The following TFG variants were observed in gnomAD, a reference collection of about 807,000 sequenced individuals.
The protein encoded by TFG is protein TFG.
A neutral mutation model predicts 51.4 loss-of-function variants in TFG; 22 were observed. The ratio of observed to expected loss-of-function variants is 0.43; its 90% CI spans 0.31 to 0.61. The LOEUF is 0.61. Among genes scored for constraint, TFG ranks in the 20% least tolerant of loss-of-function variants. The probability of loss-of-function intolerance (pLI) is 0.12; values close to 1 mark genes in which losing one functional copy is unlikely to be tolerated. For missense variants in TFG, 419 were observed against 487.7 expected (o/e 0.86, Z 1.33); for synonymous variants, 187 against 165.6 (o/e 1.13, Z -0.99).
At chr3:100,722,583 A>G (rs1443502559) in intron 3 of TFG, among the ~76,000 whole-genome samples, 1 of 152,244 alleles carries the variant, frequency 6.6e-6, no homozygotes, top group Non-Finnish European at 1.5e-5. Flanking sequence ...ACATATTGTC[A>G]TGAAACTGGA....
intron 1 of TFG, among the ~76,000 whole-genome samples, chr3:100,711,575 T>C (rs914967206): frequency 1.3e-5 from 2 of 152,060 alleles, no homozygotes; most frequent in Non-Finnish European, 2.9e-5. Context: ...TAAAAACTGA[T>C]CTATATTACA....
At chr3:100,710,245 T>A (rs1309206073) in intron 1 of TFG, 1 of 152,174 alleles carries the variant, frequency 6.6e-6, no homozygotes, top group African/African-American at 2.4e-5. Flanking sequence ...CAGCCTGGTT[T>A]ATAGTGATGA....
intron 6 of TFG, chr3:100,744,610 G>GT (rs1482201224): frequency 2.7e-6 from 1 of 368,172 alleles, no homozygotes. Context: ...TGCACTTAAT[G>GT]TTTATTGCCA....
intron 6 of TFG, among the ~76,000 whole-genome samples, chr3:100,737,613 G>C (rs914331575): frequency 6.6e-6 from 1 of 152,128 alleles, no homozygotes; most frequent in African/African-American, 2.4e-5. Flanking sequence ...TTTGTTTAAC[G>C]GGTCAGATAG....
At chr3:100,711,031 T>C (rs972588941) in intron 1 of TFG, 1 of 152,074 alleles carries the variant, frequency 6.6e-6, no homozygotes, top group East Asian at 1.9e-4. Context: ...CCACAAGATG[T>C]TTACAGTCAA....
chr3:100,738,840 A>G (rs931377433), intron 6 of TFG, among the ~76,000 whole-genome samples: 1 of 152,178 alleles, frequency 6.6e-6, no homozygotes, highest in African/African-American at 2.4e-5. Flanking sequence ...GCATTAGAAA[A>G]ATGTTTAAGA....
intron 7 of TFG, 115 bp from the exon 8 acceptor site, chr3:100,748,030 TTACA>T (rs2095150960): frequency 1.1e-6 from 1 of 888,746 alleles, no homozygotes; most frequent in African/African-American, 1.7e-5. Context: ...ACTCTGCTTG[TTACA>T]TACATATTTA....
chr3:100,717,579 GTT>G lies in TFG; in HGVS notation c.185-2382_185-2381del, dbSNP rs55750598. On this transcript the variant is annotated intron_variant, in intron 2 of 7. Coordinates refer to ENST00000240851, the MANE Select transcript of TFG (RefSeq NM_006070.6). ...ATGCTCTTTGGTTTCTTTCATCAGT[GTT>G]TTTTTTTTTTTTTGTAGAGGTTTTT... Among the ~76,000 whole-genome samples the G allele has an allele frequency of 8.9e-3, 1,035 of 116,542 alleles. 10 individuals are homozygous for G. Among genetic ancestry groups the G allele is most frequent in the African/African-American group, 0.025 (846 of 33,216 alleles). The allele number at this position is 116,542 out of a possible 152,430, so 76.5% of individuals were successfully genotyped here. A position where few individuals can be genotyped will look rare whatever the true frequency, so the allele number is the denominator to read the frequency against.
intron 4 of TFG, among the ~76,000 whole-genome samples, chr3:100,730,569 A>G (rs1440329632): frequency 6.6e-6 from 1 of 152,236 alleles, no homozygotes; most frequent in East Asian, 1.9e-4. Flanking sequence ...AAAAACAACA[A>G]GAAAACCATA....
At position 100,735,444 on chromosome 3, in the gene TFG, G is replaced by C. The variant is rs866291161; in HGVS notation, c.581-1132G>C. Among the ~76,000 whole-genome samples the C allele has an allele frequency of 2.6e-5, 4 of 152,166 alleles. No individual in the cohort carries two copies. In the South Asian group the frequency reaches 8.3e-4, roughly 32 times the overall value. On this transcript the variant is annotated intron_variant, in intron 5 of 7. Transcript: ENST00000240851. ...TTATAAGCCCATGCTATAAGCTCTTGTAAACTCATAATCCTCACAATAACC... is the reference window on the plus strand; with the variant it reads ...TTATAAGCCCATGCTATAAGCTCTTCTAAACTCATAATCCTCACAATAACC...
At chr3:100,712,333 C>G (rs1419576998) in intron 1 of TFG, among the ~76,000 whole-genome samples, 1 of 151,876 alleles carries the variant, frequency 6.6e-6, no homozygotes, top group Non-Finnish European at 1.5e-5. Context: ...TCACATACCC[C>G]GAAAGAATAA....
At position 100,736,835 on chromosome 3, in the gene TFG, T is replaced by G; in HGVS notation, c.721+119T>G. On this transcript the variant is annotated intron_variant, in intron 6 of 7. Transcript: ENST00000240851. ...CCTTAAACACAGGAAAAATTTTGAT[T>G]TACTGACATGATTTGATGTTAAAAA... The G allele has an allele frequency of 1.8e-6, 2 of 1,105,914 alleles. 1 individual carries two copies. The highest frequency in any genetic ancestry group is 3.8e-5 in the South Asian group (2 of 52,264). 68.5% of individuals were successfully genotyped at this position (1,105,914 alleles called of 1,614,324 possible). A position where few individuals can be genotyped will look rare whatever the true frequency, so the allele number is the denominator to read the frequency against.
At chr3:100,737,513 A>G (rs1432872184) in intron 6 of TFG, among the ~76,000 whole-genome samples, 1 of 152,220 alleles carries the variant, frequency 6.6e-6, no homozygotes, top group Non-Finnish European at 1.5e-5. Flanking sequence ...CTTCCAGATA[A>G]TGAAGTGTGA....
chr3:100,730,339 A>G (rs2095088085), intron 4 of TFG, among the ~76,000 whole-genome samples: 1 of 152,102 alleles, frequency 6.6e-6, no homozygotes, highest in Non-Finnish European at 1.5e-5. Flanking sequence ...CTTTGTGTCT[A>G]TATTTTTTAT....
At chr3:100,719,243 T>A (rs923003037) in intron 2 of TFG, among the ~76,000 whole-genome samples, 3 of 152,210 alleles carry the variant, frequency 2.0e-5, no homozygotes, top group African/African-American at 7.2e-5. Context: ...CAACTGTTTG[T>A]GAAGACACCC....
chr3:100,724,133 A>G (rs1314126949), intron 3 of TFG, among the ~76,000 whole-genome samples: 2 of 152,194 alleles, frequency 1.3e-5, no homozygotes, highest in African/African-American at 4.8e-5. Context: ...TTACAGCCTT[A>G]AATACTTTAT....
At chr3:100,718,995 T>A (rs2095053879) in intron 2 of TFG, among the ~76,000 whole-genome samples, 1 of 152,192 alleles carries the variant, frequency 6.6e-6, no homozygotes, top group Non-Finnish European at 1.5e-5. Context: ...GAACAGGAAG[T>A]TTTCTTCTTT....
In TFG at chr3:100,709,624, G is replaced by T. The variant is rs2095023392; in HGVS notation, c.-141G>T. On this transcript the variant is annotated 5_prime_UTR_variant, in exon 1 of 8. Coordinates refer to ENST00000240851, the MANE Select transcript of TFG (RefSeq NM_006070.6). ...CGCGAAGGGCAACCGAGGGGGCCGT[G>T]ACCACCGCCTCCCCGCGACGCCCCA... 6.6e-6 allele frequency: 1 copy of T among 151,454 alleles called. No individual in the cohort carries two copies. The highest frequency in any genetic ancestry group is 2.4e-5 in the African/African-American group (1 of 41,216). The allele number at this position is 151,454 out of a possible 1,614,324, so 9.4% of individuals were successfully genotyped here.
Position 100,736,556 on chromosome 3 carries a change from A to AC in TFG, c.581-19dup. On this transcript the variant is annotated intron_variant, in intron 5 of 7. Coordinates refer to ENST00000240851, the MANE Select transcript of TFG (RefSeq NM_006070.6). ...AGGCCTTGTGTTGGATACTAAACTG[A>AC]CTTTTTTTTGACTATCCAGGGCCAC... 1 of 1,612,576 alleles carries AC rather than the reference A, an allele frequency of 6.2e-7. No individual in the cohort carries two copies. Among genetic ancestry groups the AC allele is most frequent in the South Asian group, 1.1e-5 (1 of 90,976 alleles).
Sources: gnomAD v4.1 joint callset for allele counts (sites outside exome capture counted in the v4.1 genomes callset) on GRCh38, gnomAD v4.1.1 for gene constraint, MANE v1.5 for transcripts, NCBI Gene and HGNC (gene_info 2026-07-23, HGNC 2026-07-21) for gene names.